Variants in C12orf42 observed in about 807,000 individuals in gnomAD.
The protein encoded by C12orf42 is chromosome 12 open reading frame 42, also known as uncharacterized protein C12orf42.
In C12orf42, 25 loss-of-function variants were observed where a neutral mutation model predicts 21.6. That is an observed-to-expected ratio of 1.16 (90% CI 0.84 to 1.62). The LOEUF (loss-of-function observed/expected upper bound fraction) is 1.62, where lower values mean the gene tolerates loss of function less well. Ranked by LOEUF, C12orf42 falls within the 40% of genes most tolerant of loss-of-function variation. C12orf42 has a pLI of 0.00. For missense variants in C12orf42, 483 were observed against 459.3 expected (o/e 1.05, Z -0.47); for synonymous variants, 174 against 175.0 (o/e 0.99, Z 0.05).
At chr12:103,376,698 C>G (rs1263514722) in intron 3 of C12orf42, among the ~76,000 whole-genome samples, 1 of 152,156 alleles carries the variant, frequency 6.6e-6, no homozygotes, top group African/African-American at 2.4e-5. Context: ...GTTCTTACAT[C>G]TCTGAAAACT....
the C12orf42 span, among the ~76,000 whole-genome samples, chr12:103,088,023 G>A: frequency 6.6e-6 from 1 of 152,232 alleles, no homozygotes; most frequent in Non-Finnish European, 1.5e-5. Context: ...GCACTGATTA[G>A]GTGATATATC....
chr12:103,409,449 G>A (rs1259059285), intron 2 of C12orf42, among the ~76,000 whole-genome samples: 1 of 152,158 alleles, frequency 6.6e-6, no homozygotes, highest in Non-Finnish European at 1.5e-5. Context: ...CAATATGGCT[G>A]CTTTTTTCTG....
chr12:103,511,672 A>G, the C12orf42 span, among the ~76,000 whole-genome samples: 1 of 152,178 alleles, frequency 6.6e-6, no homozygotes, highest in East Asian at 1.9e-4. Context: ...TCTTGAAAAA[A>G]TAAAGTAGAA....
chr12:103,549,536 ACTTT>A, the C12orf42 span: 8 of 152,176 alleles, frequency 5.3e-5, no homozygotes, highest in African/African-American at 1.9e-4. Context: ...CAGATAGATG[ACTTT>A]CTTTATATGT....
intron 4 of C12orf42, among the ~76,000 whole-genome samples, chr12:103,287,674 G>A (rs1025411436): frequency 6.6e-6 from 1 of 151,076 alleles, no homozygotes; most frequent in Non-Finnish European, 1.5e-5. Flanking sequence ...ACTGCACGTT[G>A]TGCACATGTA....
At chr12:103,114,896 A>G in the C12orf42 span, among the ~76,000 whole-genome samples, 814 of 152,328 alleles carry the variant, frequency 5.3e-3, 6 homozygotes, top group African/African-American at 0.018. Flanking sequence ...AGTGTTTACC[A>G]GGGCAAGCAA....
At position 103,295,156 on chromosome 12, in the gene C12orf42, TG is replaced by T. The variant is rs2037169648; in HGVS notation, n.338-17947del. On this transcript the variant is annotated intron_variant and non_coding_transcript_variant, in intron 4 of 6. Coordinates refer to the C12orf42 transcript ENST00000546526. ...TAGTAAAGGGTTGGAGCATTCTTCT[TG>T]AGGTTGAGTCTTCTCTTGACAACAA... Among the ~76,000 whole-genome samples the T allele has an allele frequency of 3.3e-5, 5 of 152,198 alleles. No homozygotes were observed. The South Asian group carries it at 1.0e-3, about 31-fold the overall frequency.
intron 4 of C12orf42, among the ~76,000 whole-genome samples, chr12:103,322,753 T>C (rs768838984): frequency 4.6e-5 from 7 of 152,210 alleles, no homozygotes; most frequent in Non-Finnish European, 7.3e-5. Context: ...AATGTCCAAA[T>C]TCGTAAGAGT....
At chr12:103,492,761 C>T (rs1191151911) in intron 1 of C12orf42, among the ~76,000 whole-genome samples, 1 of 152,124 alleles carries the variant, frequency 6.6e-6, no homozygotes, top group Non-Finnish European at 1.5e-5. Context: ...TGTCTGTCTC[C>T]AGGCCCACCA....
At chr12:103,213,564 C>G in the C12orf42 span, among the ~76,000 whole-genome samples, 2 of 152,184 alleles carry the variant, frequency 1.3e-5, no homozygotes, top group African/African-American at 4.8e-5. Context: ...TCAGTGCCAG[C>G]AAAACAGAAG....
At chr12:103,378,355 T>C (rs2045886787) in intron 3 of C12orf42, among the ~76,000 whole-genome samples, 1 of 152,148 alleles carries the variant, frequency 6.6e-6, no homozygotes, top group South Asian at 2.1e-4. Flanking sequence ...TCCTGGAGTA[T>C]CCATCCAGCT....
chr12:103,290,884 G>A (rs1033781376), intron 4 of C12orf42, among the ~76,000 whole-genome samples: 10 of 152,000 alleles, frequency 6.6e-5, no homozygotes, highest in African/African-American at 2.2e-4. Context: ...AGGGTGGAAG[G>A]GTGGGAGGGG....
chr12:103,064,555 C>G, the C12orf42 span, among the ~76,000 whole-genome samples: 2 of 152,192 alleles, frequency 1.3e-5, no homozygotes, highest in African/African-American at 2.4e-5. Flanking sequence ...ATTATAAAAA[C>G]AGAAAATCAT....
chr12:103,183,408 C>T, the C12orf42 span, among the ~76,000 whole-genome samples: 1 of 152,218 alleles, frequency 6.6e-6, no homozygotes, highest in South Asian at 2.1e-4. Context: ...GATGTAGAGC[C>T]TATAGTGAGA....
the C12orf42 span, among the ~76,000 whole-genome samples, chr12:103,095,309 C>T: frequency 6.6e-6 from 1 of 152,222 alleles, no homozygotes; most frequent in Non-Finnish European, 1.5e-5. Flanking sequence ...CTTGCCTGTT[C>T]TGCCTCCAGC....
chr12:103,158,093 A>C, the C12orf42 span, among the ~76,000 whole-genome samples: 3 of 152,242 alleles, frequency 2.0e-5, no homozygotes, highest in African/African-American at 7.2e-5. Context: ...AAGAATGCCA[A>C]TCATAAAAAT....
intron 2 of C12orf42, among the ~76,000 whole-genome samples, chr12:103,462,389 G>A (rs1308332682): frequency 6.6e-6 from 1 of 151,886 alleles, no homozygotes; most frequent in African/African-American, 2.4e-5. Flanking sequence ...GGAATTACAG[G>A]TGTGAGCCAC....
At chr12:103,125,529 A>G in the C12orf42 span, among the ~76,000 whole-genome samples, 5 of 152,176 alleles carry the variant, frequency 3.3e-5, no homozygotes, top group South Asian at 2.1e-4. Flanking sequence ...AAAAAGCTAT[A>G]TAAGTGTAAA....
downstream of C12orf42, among the ~76,000 whole-genome samples, chr12:103,299,351 TA>T (rs2037507538): frequency 6.6e-6 from 1 of 151,584 alleles, no homozygotes; most frequent in African/African-American, 2.4e-5. Flanking sequence ...TAGCTGTTAT[TA>T]TAATTATTAT....
Sources: gnomAD v4.1 joint callset for allele counts (sites outside exome capture counted in the v4.1 genomes callset) on GRCh38, gnomAD v4.1.1 for gene constraint, MANE v1.5 for transcripts, NCBI Gene and HGNC (gene_info 2026-07-23, HGNC 2026-07-21) for gene names.